BEAN1: variants seen among roughly 807,000 people sequenced by gnomAD.
The protein encoded by BEAN1 is protein BEAN1.
In BEAN1, 17 loss-of-function variants were observed where a neutral mutation model predicts 17.7. That is an observed-to-expected ratio of 0.96 (90% confidence interval 0.66 to 1.44). BEAN1 has a LOEUF of 1.44. Ranked by LOEUF, BEAN1 falls within the 40% of genes most tolerant of loss-of-function variation. The pLI is 0.00. For missense variants in BEAN1, 359 were observed against 374.1 expected (o/e 0.96, Z 0.33); for synonymous variants, 142 against 151.8 (o/e 0.94, Z 0.47).
At chr16:66,468,500 G>A (rs888094837) in intron 2 of BEAN1, among the ~76,000 whole-genome samples, 1 of 152,200 alleles carries the variant, frequency 6.6e-6, no homozygotes, top group African/African-American at 2.4e-5. Flanking sequence ...CTCAGGAAGG[G>A]TTTGCACTGA....
At chr16:66,470,525 G>T (rs989815412) in intron 3 of BEAN1, among the ~76,000 whole-genome samples, 2 of 152,160 alleles carry the variant, frequency 1.3e-5, no homozygotes, top group Non-Finnish European at 2.9e-5. Context: ...TGGGCAGTGG[G>T]ATGGGTTGAT....
intron 4 of BEAN1, among the ~76,000 whole-genome samples, chr16:66,479,504 G>T (rs1411743927): frequency 6.6e-6 from 1 of 151,958 alleles, no homozygotes; most frequent in Non-Finnish European, 1.5e-5. Flanking sequence ...GGTGGGGAAG[G>T]TGGGGGCACG....
At chr16:66,450,089 C>T (rs1224304810) in intron 2 of BEAN1, among the ~76,000 whole-genome samples, 5 of 152,212 alleles carry the variant, frequency 3.3e-5, no homozygotes, top group African/African-American at 1.2e-4. Flanking sequence ...CAGTATCTGA[C>T]TTAACAAATG....
rs1225629741 is a variant in BEAN1, at chr16:66,473,996, CCAGCCCGCAGGT to C, written c.290-3559_290-3548del. ...ATCCATCATCCTCCCTTACCTAGCT[CCAGCCCGCAGGT>C]CAGCTCCAGAACTGCATGCCCAGAA... On this transcript the variant is annotated intron_variant, in intron 3 of 4. Coordinates refer to ENST00000536005, the MANE Select transcript of BEAN1 (RefSeq NM_001178020.3). The surrounding 1 kb of genome is among the most constrained non-coding windows in gnomAD (Gnocchi z 4.5). 3.3e-5 allele frequency among the ~76,000 whole-genome samples: 5 copies of C among 152,182 alleles called. No homozygotes were observed. Among genetic ancestry groups the C allele is most frequent in the African/African-American group, 1.2e-4 (5 of 41,438 alleles).
Position 66,473,761 on chromosome 16 carries a change from G to A in BEAN1, c.290-3799G>A, listed in dbSNP as rs1215028928. 6.6e-6 allele frequency among the ~76,000 whole-genome samples: 1 copy of A among 151,998 alleles called. No homozygotes were observed. The highest frequency in any genetic ancestry group is 1.5e-5 in the Non-Finnish European group (1 of 67,982). ...AAAGAGGGAGGGGCAGTGTACCAGT[G>A]AACCCCAACCTTTGGCACTGGGCCC... On this transcript the variant is annotated intron_variant, in intron 3 of 4. Coordinates refer to ENST00000536005, the MANE Select transcript of BEAN1 (RefSeq NM_001178020.3). The surrounding 1 kb of genome is among the most constrained non-coding windows in gnomAD (Gnocchi z 4.5).
rs1010414582 is a variant in BEAN1 at position 66,463,114 on chromosome 16, C to T, written c.26-6488C>T. Reference sequence around the variant, plus strand: ...AGTAATACTCATGAATATTCATGTACACATTTTTGTGTGGACTTATGTTTC... The same window carrying T: ...AGTAATACTCATGAATATTCATGTATACATTTTTGTGTGGACTTATGTTTC... On this transcript the variant is annotated intron_variant, in intron 2 of 4. Coordinates refer to ENST00000536005, the MANE Select transcript of BEAN1 (RefSeq NM_001178020.3). Among the ~76,000 whole-genome samples, 5 of 152,270 alleles carry T rather than the reference C, an allele frequency of 3.3e-5. No individual in the cohort carries two copies. The South Asian group carries it at 1.0e-3, about 32-fold the overall frequency.
intron 2 of BEAN1, among the ~76,000 whole-genome samples, chr16:66,465,268 T>A (rs2142422939): frequency 6.6e-6 from 1 of 152,304 alleles, no homozygotes; most frequent in South Asian, 2.1e-4. Flanking sequence ...ATAATCCTTT[T>A]TATGTATTAC....
intron 4 of BEAN1, among the ~76,000 whole-genome samples, chr16:66,489,337 A>G (rs930869269): frequency 3.9e-5 from 6 of 152,188 alleles, no homozygotes; most frequent in Non-Finnish European, 7.3e-5. Flanking sequence ...GATGAGAGGA[A>G]GGCAGATTTG....
In BEAN1 at chr16:66,480,813, G is replaced by GC. The variant is rs1207753578; in HGVS notation, c.674dup (p.Ser226IlefsTer49). 1.3e-6 allele frequency: 2 copies of GC among 1,541,776 alleles called. No individual in the cohort carries two copies. The highest frequency in any genetic ancestry group is 2.5e-5 in the East Asian group (1 of 40,652). On this transcript the variant is annotated frameshift_variant, in exon 5 of 5. Transcript: ENST00000536005. LOFTEE classifies it low-confidence loss of function (END_TRUNC). ...CCCTACGAGGCTGTGTGCGGGGCTG[G>GC]CCCCCCATCAGGCCTGCTGCCACTG...
At chr16:66,472,818 G>C (rs904786476) in intron 3 of BEAN1, among the ~76,000 whole-genome samples, 1 of 151,574 alleles carries the variant, frequency 6.6e-6, no homozygotes, top group Non-Finnish European at 1.5e-5. Flanking sequence ...CCAGGAGTTT[G>C]AGACCAGCCT....
At chr16:66,479,940 GC>G (rs1963920747) in intron 4 of BEAN1, among the ~76,000 whole-genome samples, 1 of 152,078 alleles carries the variant, frequency 6.6e-6, no homozygotes, top group African/African-American at 2.4e-5. Flanking sequence ...TCTCCTGCCA[GC>G]CCCCCTCAGG....
chr16:66,445,170 A>T (rs1023074351), intron 2 of BEAN1, among the ~76,000 whole-genome samples: 4 of 152,066 alleles, frequency 2.6e-5, no homozygotes, highest in Non-Finnish European at 4.4e-5. Flanking sequence ...GAGGAGCTAC[A>T]AAGACAAAAA....
chr16:66,489,924 A>G (rs1393783204), intron 4 of BEAN1, among the ~76,000 whole-genome samples: 2 of 152,054 alleles, frequency 1.3e-5, no homozygotes, highest in South Asian at 4.1e-4. Flanking sequence ...TTCAGAGAAC[A>G]TTGTAGGGGG....
At chr16:66,443,820 G>C (rs1962344926) in intron 2 of BEAN1, among the ~76,000 whole-genome samples, 1 of 152,050 alleles carries the variant, frequency 6.6e-6, no homozygotes, top group Non-Finnish European at 1.5e-5. Flanking sequence ...GATTACAGGT[G>C]CCCATCACCA....
chr16:66,446,375 C>T (rs372147464), intron 2 of BEAN1, among the ~76,000 whole-genome samples: 2 of 151,954 alleles, frequency 1.3e-5, no homozygotes, highest in Non-Finnish European at 2.9e-5. Context: ...GGGCTTGAAA[C>T]GTGAAGGACT....
At chr16:66,467,870 G>A (rs1033841370) in intron 2 of BEAN1, among the ~76,000 whole-genome samples, 2 of 152,254 alleles carry the variant, frequency 1.3e-5, no homozygotes, top group Admixed American at 6.5e-5. Flanking sequence ...AGAGCCACCA[G>A]CATGGGCCAC....
downstream of BEAN1, among the ~76,000 whole-genome samples, chr16:66,487,033 C>A (rs760676255): frequency 6.6e-6 from 1 of 152,194 alleles, no homozygotes; most frequent in African/African-American, 2.4e-5. Context: ...GGGGCTTGGA[C>A]CAGAGAGGCC....
Position 66,469,852 on chromosome 16 carries a change from C to T in BEAN1, c.276C>T (p.Tyr92=), listed in dbSNP as rs773093318. ...ACCGCCGGCGTCGACACCGAGAGTACGAGCACGGCTACGGTGAGCCGCCGC... is the reference window on the plus strand; with the variant it reads ...ACCGCCGGCGTCGACACCGAGAGTATGAGCACGGCTACGGTGAGCCGCCGC... The part of the protein sequence containing the change: ...HHHRRRRHRE[Y]EHGYVSDEHT... Residue 92 remains tyrosine (Y), a synonymous_variant, in exon 3 of 5, where the codon TAC becomes TAT. Coordinates refer to ENST00000536005, the MANE Select transcript of BEAN1 (RefSeq NM_001178020.3). 7.8e-5 allele frequency: 119 copies of T among 1,534,518 alleles called. 1 individual carries two copies. The highest frequency in any genetic ancestry group is 1.9e-4 in the Middle Eastern group (1 of 5,372).
At chr16:66,463,448 G>A (rs1462554815) in intron 2 of BEAN1, among the ~76,000 whole-genome samples, 2 of 152,174 alleles carry the variant, frequency 1.3e-5, no homozygotes, top group Non-Finnish European at 2.9e-5. Context: ...CTTCTTTGGA[G>A]AAATGTCTGT....
Sources: allele counts gnomAD v4.1 joint callset (sites outside exome capture counted in the v4.1 genomes callset), GRCh38; gene constraint gnomAD v4.1.1; non-coding constraint Gnocchi (gnomAD v3.1); transcripts MANE v1.5; gene names NCBI Gene and HGNC (gene_info 2026-07-23, HGNC 2026-07-21).